Variants in UNC5B observed in about 807,000 individuals in gnomAD.
UNC5B encodes unc-5 netrin receptor B.
A neutral mutation model predicts 103.7 loss-of-function variants in UNC5B; 56 were observed. The observed-to-expected ratio is 0.54, with a 90% CI of 0.44 to 0.67. The LOEUF (loss-of-function observed/expected upper bound fraction) is 0.67, where lower values mean the gene tolerates loss of function less well. Ranked by LOEUF, UNC5B falls within the 30% of genes least tolerant of loss-of-function variation. The pLI is 0.00. For missense variants in UNC5B, 1,194 were observed against 1,284.5 expected (o/e 0.93, Z 1.08); for synonymous variants, 577 against 542.0 (o/e 1.06, Z -0.90).
At chr10:71,274,127 C>T (rs1398397323) in intron 1 of UNC5B, among the ~76,000 whole-genome samples, 1 of 152,142 alleles carries the variant, frequency 6.6e-6, no homozygotes. Context: ...CTTTGGGAGG[C>T]CAAGGCAGTT....
intron 1 of UNC5B, among the ~76,000 whole-genome samples, chr10:71,257,634 G>A (rs767375318): frequency 7.2e-5 from 11 of 152,256 alleles, no homozygotes; most frequent in East Asian, 1.9e-4. Context: ...AATTCTCACC[G>A]TGGAGAGATG....
intron 1 of UNC5B, among the ~76,000 whole-genome samples, chr10:71,249,441 A>T (rs1181212517): frequency 6.6e-6 from 1 of 152,240 alleles, no homozygotes; most frequent in Non-Finnish European, 1.5e-5. Context: ...AAAGTGACAG[A>T]GAGTGATAAC....
rs5786026 is a variant in UNC5B, at chr10:71,213,675, AATT to A, written c.79+643_79+645del. 0.063 allele frequency among the ~76,000 whole-genome samples: 8,450 copies of A among 133,146 alleles called. 318 individuals carry two copies. Among genetic ancestry groups the A allele is most frequent in the East Asian group, 0.11 (485 of 4,406 alleles). 87.3% of individuals were successfully genotyped at this position (133,146 alleles called of 152,430 possible). A position where few individuals can be genotyped will look rare whatever the true frequency, so the allele number is the denominator to read the frequency against. ...ATCGCTGGGCCCGCAGGTCTGGAAG[AATT>A]ATTATTATTATTATTATTATTATTA... is the stretch of plus-strand genomic sequence containing the variant. On this transcript the variant is annotated intron_variant, in intron 1 of 16. Coordinates refer to ENST00000335350, the MANE Select transcript of UNC5B (RefSeq NM_170744.5). The surrounding 1 kb of genome is among the most constrained non-coding windows in gnomAD (Gnocchi z 4.1).
rs756226204 is a variant in UNC5B at position 71,296,669 on chromosome 10, T to C, written c.2417T>C (p.Leu806Pro). 6 of 1,613,750 alleles carry C rather than the reference T, an allele frequency of 3.7e-6. No individual in the cohort carries two copies. ...LERHSLASTE[L>P]TCKICVRQVE... The stretch of plus-strand genomic sequence containing the variant: ...AGGCACAGCTTGGCCTCCACAGAGC[T>C]CACCTGCAAGATCTGCGTGCGGCAA... The change falls in exon 15 of 17, where the codon CTC (leucine) becomes CCC (proline). Residue 806 changes from leucine to proline, a missense_variant. Transcript: ENST00000335350.
At chr10:71,235,681 C>G (rs182331728) in intron 1 of UNC5B, among the ~76,000 whole-genome samples, 177 of 152,362 alleles carry the variant, frequency 1.2e-3, no homozygotes, top group African/African-American at 4.0e-3. Context: ...GCCTCCAGCC[C>G]TGAGGACTGA....
intron 1 of UNC5B, among the ~76,000 whole-genome samples, chr10:71,215,415 G>C (rs187793971): frequency 2.3e-4 from 35 of 152,238 alleles, no homozygotes; most frequent in African/African-American, 6.5e-4. Context: ...TCTTTACTGG[G>C]GGTGTCCAAG....
rs116424973 is a variant in UNC5B at position 71,279,694 on chromosome 10, G to A, written c.80-127G>A. On this transcript the variant is annotated intron_variant, in intron 1 of 16. Coordinates refer to ENST00000335350, the MANE Select transcript of UNC5B (RefSeq NM_170744.5). ...CCGGTTGCAGATTACGTCCCCAGGAGGGCTCTGGCTGCCCCACCTCTGCCT... is the reference window on the plus strand; with the variant it reads ...CCGGTTGCAGATTACGTCCCCAGGAAGGCTCTGGCTGCCCCACCTCTGCCT... 121 of 984,428 alleles carry A rather than the reference G, an allele frequency of 1.2e-4. No homozygotes were observed. In the African/African-American group the frequency reaches 1.8e-3, roughly 15 times the overall value. 61.0% of individuals were successfully genotyped at this position (984,428 alleles called of 1,614,324 possible).
In UNC5B at chr10:71,212,908, C is replaced by A. The variant is rs1323660095; in HGVS notation, c.-78C>A. The A allele has an allele frequency of 2.6e-6, 3 of 1,145,246 alleles. No individual in the cohort carries two copies. Among genetic ancestry groups the A allele is most frequent in the Admixed American group, 4.2e-5 (1 of 23,530 alleles). The allele number at this position is 1,145,246 out of a possible 1,614,324, so 70.9% of individuals were successfully genotyped here. A position where few individuals can be genotyped will look rare whatever the true frequency, so the allele number is the denominator to read the frequency against. On this transcript the variant is annotated 5_prime_UTR_variant, in exon 1 of 17. Coordinates refer to ENST00000335350, the MANE Select transcript of UNC5B (RefSeq NM_170744.5). Reference sequence around the variant, plus strand: ...GAGGACGGCGAGGAGGAGGCGGCGGCGGCGGAGACGGCGGCGGCGAGACTG... The same window carrying A: ...GAGGACGGCGAGGAGGAGGCGGCGGAGGCGGAGACGGCGGCGGCGAGACTG...
chr10:71,283,106 C>T (rs768971908), intron 2 of UNC5B, among the ~76,000 whole-genome samples: 2 of 149,068 alleles, frequency 1.3e-5, no homozygotes, highest in South Asian at 2.1e-4. Flanking sequence ...GGCAACAGAG[C>T]GAGACTCCGT....
Position 71,298,056 on chromosome 10 carries a change from T to A in UNC5B, c.2638T>A (p.Trp880Arg). The A allele has an allele frequency of 5.6e-6, 9 of 1,613,100 alleles. No individual in the cohort carries two copies. Among genetic ancestry groups the A allele is most frequent in the Non-Finnish European group, 7.6e-6 (9 of 1,179,704 alleles). ...TGCCCCCAACTCACGGGGCAATGAC[T>A]GGCGGATGTTAGCACAGAAGCTCTC... The part of the protein sequence containing the change: ...LDAPNSRGND[W>R]RMLAQKLSMD... Residue 880 changes from tryptophan (W) to arginine (R), a missense_variant, in exon 16 of 17, where the codon TGG (tryptophan) becomes AGG (arginine). By Grantham distance (101) the Trp-to-Arg change is moderately radical (BLOSUM62 -3). Transcript: ENST00000335350.
chr10:71,266,041 T>G lies in UNC5B; in HGVS notation c.80-13780T>G, dbSNP rs1844515978. Among the ~76,000 whole-genome samples, 3 of 152,112 alleles carry G rather than the reference T, an allele frequency of 2.0e-5. No homozygotes were observed. The South Asian group carries it at 6.2e-4, about 32-fold the overall frequency. ...AACTGGTGGCCCAAAAGTGTTCTGG[T>G]ATTTCCTGTCACTAGGCCGTGCTTC... is the stretch of plus-strand genomic sequence containing the variant. On this transcript the variant is annotated intron_variant, in intron 1 of 16. Coordinates refer to ENST00000335350, the MANE Select transcript of UNC5B (RefSeq NM_170744.5).
chr10:71,247,649 T>C (rs925498390), intron 1 of UNC5B, among the ~76,000 whole-genome samples: 1 of 152,054 alleles, frequency 6.6e-6, no homozygotes, highest in African/African-American at 2.4e-5. Context: ...TCCTCAGCTG[T>C]ACACCCCCAG....
chr10:71,273,085 C>T (rs904968942), intron 1 of UNC5B, among the ~76,000 whole-genome samples: 2 of 152,258 alleles, frequency 1.3e-5, no homozygotes, highest in Non-Finnish European at 2.9e-5. Context: ...GACAGGCTTT[C>T]GCCATGTTAT....
At chr10:71,228,270 A>G (rs1745891230) in intron 1 of UNC5B, among the ~76,000 whole-genome samples, 1 of 152,204 alleles carries the variant, frequency 6.6e-6, no homozygotes, top group African/African-American at 2.4e-5. Context: ...ACATGGGTAA[A>G]TTCCTTTTTA....
rs758450668 is a variant in UNC5B, at chr10:71,288,578, G to A, written c.912G>A (p.Ala304=). ...GCCATGCTCTTACAGTCGATGGGGC[G>A]TGGACGGAGTGGAGCAAGTGGTCAG... is the stretch of plus-strand genomic sequence containing the variant. ...ACTTICPVDG[A]WTEWSKWSAC... The change falls in exon 7 of 17, where the codon GCG becomes GCA. Residue 304 remains alanine (A), a synonymous_variant. Coordinates refer to ENST00000335350, the MANE Select transcript of UNC5B (RefSeq NM_170744.5). 62 of 1,613,574 alleles carry A rather than the reference G, an allele frequency of 3.8e-5. No individual in the cohort carries two copies. The highest frequency in any genetic ancestry group is 5.5e-5 in the South Asian group (5 of 91,038).
chr10:71,219,388 A>G (rs1239881054), intron 1 of UNC5B, among the ~76,000 whole-genome samples: 5 of 152,172 alleles, frequency 3.3e-5, no homozygotes, highest in Non-Finnish European at 7.4e-5. Flanking sequence ...CGAGTTCCAA[A>G]ACCGAAGAAC....
At chr10:71,289,342 C>G (rs1456199020) in intron 8 of UNC5B, among the ~76,000 whole-genome samples, 1 of 152,198 alleles carries the variant, frequency 6.6e-6, no homozygotes, top group Non-Finnish European at 1.5e-5. Flanking sequence ...TTGTTCTTAA[C>G]CATATGCCCT....
chr10:71,237,463 G>A (rs757044679), intron 1 of UNC5B, among the ~76,000 whole-genome samples: 5 of 152,152 alleles, frequency 3.3e-5, no homozygotes, highest in South Asian at 4.1e-4. Flanking sequence ...TCTGAAACTC[G>A]GCTCTGCCTC....
At chr10:71,274,799 G>A (rs1041724718) in intron 1 of UNC5B, among the ~76,000 whole-genome samples, 1 of 152,066 alleles carries the variant, frequency 6.6e-6, no homozygotes, top group African/African-American at 2.4e-5. Context: ...CCTTCCCTGG[G>A]TTCTACCTAC....
Sources: allele counts gnomAD v4.1 joint callset (sites outside exome capture counted in the v4.1 genomes callset), GRCh38; gene constraint gnomAD v4.1.1; non-coding constraint Gnocchi (gnomAD v3.1); transcripts MANE v1.5; gene names NCBI Gene and HGNC (gene_info 2026-07-23, HGNC 2026-07-21).